The following FNIP1 variants were observed in gnomAD, a reference collection of about 807,000 sequenced individuals.
FNIP1 encodes folliculin interacting protein 1.
FNIP1 carries 40 observed loss-of-function variants against 124.5 expected under a neutral mutation model. The observed-to-expected ratio is 0.32, with a 90% confidence interval of 0.25 to 0.42. FNIP1 has a LOEUF of 0.42. FNIP1 is among the 10% of genes least tolerant of loss of function. The probability of loss-of-function intolerance (pLI) is 1.00; values close to 1 mark genes in which losing one functional copy is unlikely to be tolerated. For synonymous variants in FNIP1, 472 were observed against 470.6 expected (o/e 1.00, Z -0.04); for missense variants, 1,176 against 1,403.7 (o/e 0.84, Z 2.59).
intron 15 of FNIP1, among the ~76,000 whole-genome samples, chr5:131,657,372 T>C (rs1767227759): frequency 6.6e-6 from 1 of 152,142 alleles, no homozygotes; most frequent in African/African-American, 2.4e-5. Context: ...AGTTCTTATG[T>C]TGGACAATGC....
chr5:131,747,084 C>T lies in FNIP1; in HGVS notation c.93-2394G>A, dbSNP rs148805537. Reference sequence around the variant, plus strand: ...CTGGTTGGATGTCTTCTTTTGAGAACTGTCTGTTCATATATTTTGCCCACT... The same window carrying T: ...CTGGTTGGATGTCTTCTTTTGAGAATTGTCTGTTCATATATTTTGCCCACT... On this transcript the variant is annotated intron_variant, in intron 1 of 17. Transcript: ENST00000510461. Among the ~76,000 whole-genome samples the T allele has an allele frequency of 1.9e-3, 288 of 152,176 alleles. 1 individual carries two copies. The highest frequency in any genetic ancestry group is 6.6e-3 in the African/African-American group (276 of 41,542).
intron 3 of FNIP1, among the ~76,000 whole-genome samples, chr5:131,724,293 C>G (rs944093439): frequency 1.3e-5 from 2 of 152,194 alleles, no homozygotes; most frequent in African/African-American, 4.8e-5. Context: ...ACACTGTCTT[C>G]CATAATGGTT....
rs1261846653 is a variant in FNIP1 at position 131,742,278 on chromosome 5, A to G, written c.219+2286T>C. Among the ~76,000 whole-genome samples, 3 of 152,226 alleles carry G rather than the reference A, an allele frequency of 2.0e-5. No homozygotes were observed. The East Asian group carries it at 5.8e-4, about 29-fold the overall frequency. On this transcript the variant is annotated intron_variant, in intron 2 of 17. Coordinates refer to ENST00000510461, the MANE Select transcript of FNIP1 (RefSeq NM_133372.3). ...CAGAAGTTCGAGACCAGTCTGGCCAACAAGGCGAAACCCCATTTCTACTAA... is the reference window on the plus strand; with the variant it reads ...CAGAAGTTCGAGACCAGTCTGGCCAGCAAGGCGAAACCCCATTTCTACTAA...
At position 131,677,859 on chromosome 5, in the gene FNIP1, G is replaced by C. The variant is rs769073865; in HGVS notation, c.1363C>G (p.Leu455Val). The stretch of plus-strand genomic sequence containing the variant: ...TGATTGGTCAGAACTGCAGTAATGA[G>C]AGCTGGCAAGAATCTGAAAACAAAA... ...NASKNQFLPA[L>V]ITAVLTNHLA... The change falls in exon 13 of 18, where the codon CTC (leucine) becomes GTC (valine). Residue 455 changes from leucine to valine, a missense_variant. Around this residue, in one of 2 missense-constraint regions of FNIP1, gnomAD observed 1,109 missense variants for 1,288.5 expected, o/e 0.86. Coordinates refer to ENST00000510461, the MANE Select transcript of FNIP1 (RefSeq NM_133372.3). 29 of 1,613,118 alleles carry C rather than the reference G, an allele frequency of 1.8e-5. No individual in the cohort carries two copies. The highest frequency in any genetic ancestry group is 2.5e-5 in the Non-Finnish European group (29 of 1,179,474).
intron 6 of FNIP1, among the ~76,000 whole-genome samples, chr5:131,711,907 C>T (rs556476461): frequency 2.6e-5 from 4 of 152,272 alleles, no homozygotes; most frequent in East Asian, 3.9e-4. Flanking sequence ...CTTTTTAATT[C>T]GTCCTAGCTT....
intron 2 of FNIP1, among the ~76,000 whole-genome samples, chr5:131,732,988 G>A (rs537284751): frequency 2.0e-5 from 3 of 152,018 alleles, no homozygotes; most frequent in South Asian, 2.1e-4. Context: ...ATTTGTTTGT[G>A]TCCTCTTTTA....
At chr5:131,713,004 AAC>A (rs1189335815) in intron 6 of FNIP1, among the ~76,000 whole-genome samples, 2 of 152,018 alleles carry the variant, frequency 1.3e-5, no homozygotes, top group African/African-American at 4.8e-5. Flanking sequence ...TTTCCCATGT[AAC>A]ACACTCTCTG....
At chr5:131,796,556 G>C in intron 1 of FNIP1, 1 of 517,264 alleles carries the variant, frequency 1.9e-6, no homozygotes, top group Non-Finnish European at 3.4e-6. Flanking sequence ...AGGTCCGGAG[G>C]AGCAGAGTCG....
chr5:131,781,625 G>A (rs1413373410), intron 1 of FNIP1, among the ~76,000 whole-genome samples: 1 of 152,158 alleles, frequency 6.6e-6, no homozygotes, highest in Admixed American at 6.5e-5. Context: ...GTTTAACTGA[G>A]TATTTTAAGC....
At chr5:131,739,387 T>C (rs1447140787) in intron 2 of FNIP1, among the ~76,000 whole-genome samples, 1 of 152,162 alleles carries the variant, frequency 6.6e-6, no homozygotes, top group Non-Finnish European at 1.5e-5. Flanking sequence ...TTAATCTTTC[T>C]TCCACATGGC....
At chr5:131,767,649 C>T (rs1487912992) in intron 1 of FNIP1, among the ~76,000 whole-genome samples, 1 of 152,024 alleles carries the variant, frequency 6.6e-6, no homozygotes, top group African/African-American at 2.4e-5. Flanking sequence ...ACTTCAACCA[C>T]TTTGCTAAAC....
intron 11 of FNIP1, among the ~76,000 whole-genome samples, chr5:131,692,696 G>C (rs537951820): frequency 1.3e-5 from 2 of 152,220 alleles, no homozygotes; most frequent in South Asian, 4.1e-4. Context: ...GGGATTGGGA[G>C]ATAAGGGAGA....
chr5:131,678,808 A>G (rs1767986178), intron 12 of FNIP1, among the ~76,000 whole-genome samples: 1 of 152,232 alleles, frequency 6.6e-6, no homozygotes, highest in Admixed American at 6.5e-5. Flanking sequence ...ACAATATGTC[A>G]GGAATTTTAA....
intron 15 of FNIP1, among the ~76,000 whole-genome samples, chr5:131,660,352 C>T (rs768621605): frequency 4.5e-4 from 69 of 152,208 alleles, no homozygotes; most frequent in Middle Eastern, 3.4e-3. Flanking sequence ...TGAAACTTTC[C>T]CAACTGCAAA....
chr5:131,665,235 C>T (rs1460881427), intron 15 of FNIP1, among the ~76,000 whole-genome samples: 1 of 152,024 alleles, frequency 6.6e-6, no homozygotes, highest in Admixed American at 6.6e-5. Flanking sequence ...CAATAAGTGG[C>T]CAATTCTGGG....
At chr5:131,662,970 T>G (rs1767488000) in intron 15 of FNIP1, among the ~76,000 whole-genome samples, 1 of 152,162 alleles carries the variant, frequency 6.6e-6, no homozygotes. Context: ...CTTGAACTCC[T>G]GACCTCAGGT....
chr5:131,678,301 G>A (rs2149517855), intron 12 of FNIP1, among the ~76,000 whole-genome samples: 1 of 152,204 alleles, frequency 6.6e-6, no homozygotes. Context: ...AAAAACAACT[G>A]AATTATTCAT....
Position 131,706,301 on chromosome 5 carries a change from A to G in FNIP1, c.914+110T>C, listed in dbSNP as rs568312731. On this transcript the variant is annotated intron_variant, in intron 9 of 17. Coordinates refer to ENST00000510461, the MANE Select transcript of FNIP1 (RefSeq NM_133372.3). Reference sequence around the variant, plus strand: ...AATGTAGTAAATTTTAAAAGTTTTCAGTTTCAAACTTAAAATACACAGAAT... The same window carrying G: ...AATGTAGTAAATTTTAAAAGTTTTCGGTTTCAAACTTAAAATACACAGAAT... The G allele has an allele frequency of 1.1e-5, 13 of 1,209,440 alleles. No homozygotes were observed. In the African/African-American group the frequency reaches 1.4e-4, roughly 13 times the overall value. The allele number at this position is 1,209,440 out of a possible 1,614,324, so 74.9% of individuals were successfully genotyped here. A position where few individuals can be genotyped will look rare whatever the true frequency, so the allele number is the denominator to read the frequency against.
In FNIP1 at chr5:131,719,433, A is replaced by G; in HGVS notation, c.355-16T>C. 6.3e-7 allele frequency: 1 copy of G among 1,577,824 alleles called. No individual in the cohort carries two copies. The highest frequency in any genetic ancestry group is 1.2e-5 in the South Asian group (1 of 85,972). On this transcript the variant is annotated splice_polypyrimidine_tract_variant and intron_variant, in intron 3 of 17. Transcript: ENST00000510461. ...ACCGAGAACCCTAAACAATAACCAC[A>G]TATTAACAAACTGTGTTAATTAAAA...
Sources: allele counts gnomAD v4.1 joint callset (sites outside exome capture counted in the v4.1 genomes callset), GRCh38; gene constraint gnomAD v4.1.1; regional missense constraint gnomAD v4.1.1; transcripts MANE v1.5; gene names NCBI Gene and HGNC (gene_info 2026-07-23, HGNC 2026-07-21).